RASSF2: variants seen among roughly 807,000 people sequenced by gnomAD.
RASSF2 encodes ras association domain-containing protein 2.
A neutral mutation model predicts 46.3 loss-of-function variants in RASSF2; 34 were observed. That is an observed-to-expected ratio of 0.73 (90% confidence interval 0.56 to 0.98). The LOEUF (loss-of-function observed/expected upper bound fraction) is 0.98. RASSF2 is among the 50% of genes least tolerant of loss of function. The pLI is 0.00. For missense variants in RASSF2, 364 were observed against 431.2 expected (o/e 0.84, Z 1.38); for synonymous variants, 158 against 162.5 (o/e 0.97, Z 0.21).
chr20:4,797,031 C>G (rs546118815), intron 4 of RASSF2, among the ~76,000 whole-genome samples: 9 of 152,170 alleles, frequency 5.9e-5, no homozygotes, highest in African/African-American at 2.2e-4. Context: ...AAATCATCCT[C>G]AAAGAGGGAG....
chr20:4,799,155 T>C (rs1323874186), intron 3 of RASSF2, among the ~76,000 whole-genome samples: 2 of 152,112 alleles, frequency 1.3e-5, no homozygotes, highest in Non-Finnish European at 2.9e-5. Flanking sequence ...GGCAATACTT[T>C]TTCAGTTCTA....
intron 2 of RASSF2, among the ~76,000 whole-genome samples, chr20:4,803,519 C>A (rs533561063): frequency 6.6e-6 from 1 of 152,024 alleles, no homozygotes; most frequent in Non-Finnish European, 1.5e-5. Context: ...TTCATGAAGC[C>A]GAGGCAGGAG....
At chr20:4,809,797 C>G (rs2423023) in intron 2 of RASSF2, among the ~76,000 whole-genome samples, 58,186 of 151,926 alleles carry the variant, frequency 0.38, 11,158 homozygotes, top group Admixed American at 0.44. Context: ...GAATGAGGTG[C>G]GTTCAGCTGG....
chr20:4,818,322 G>A lies in RASSF2; in HGVS notation c.-33+4007C>T, dbSNP rs147626161. Among the ~76,000 whole-genome samples the A allele has an allele frequency of 3.3e-4, 50 of 151,796 alleles. 1 individual carries two copies. In the East Asian group the frequency reaches 7.3e-3, roughly 22 times the overall value. ...ACTAAATGCACCCCAGAAGTGTCTC[G>A]CATGCAGGTGAGGTTCAACCGGTTT... is the stretch of plus-strand genomic sequence containing the variant. On this transcript the variant is annotated intron_variant, in intron 2 of 11. Transcript: ENST00000379400.
At position 4,793,106 on chromosome 20, in the gene RASSF2, G is replaced by C. The variant is rs556144543; in HGVS notation, c.288-479C>G. On this transcript the variant is annotated intron_variant, in intron 5 of 11. Transcript: ENST00000379400. The stretch of plus-strand genomic sequence containing the variant: ...TTCTGGCATTCAAAAGGAATGGAAA[G>C]TAATAAGTTGGCCACAACAAGGGCA... The C allele has an allele frequency of 6.0e-5, 10 of 165,750 alleles. No individual in the cohort carries two copies. In the East Asian group the frequency reaches 1.8e-3, roughly 30 times the overall value. 10.3% of individuals were successfully genotyped at this position (165,750 alleles called of 1,614,324 possible). A position where few individuals can be genotyped will look rare whatever the true frequency, so the allele number is the denominator to read the frequency against.
At chr20:4,820,262 T>C (rs1928603289) in intron 2 of RASSF2, among the ~76,000 whole-genome samples, 3 of 152,168 alleles carry the variant, frequency 2.0e-5, no homozygotes, top group African/African-American at 7.2e-5. Context: ...CCTAGCACTT[T>C]GGGAGGCTGA....
chr20:4,795,228 G>A lies in RASSF2; in HGVS notation c.287+587C>T, dbSNP rs915234649. The stretch of plus-strand genomic sequence containing the variant: ...GGACTAGGTCTTCCCAGCCCTTCTG[G>A]TGGGAACTTAGACTACCACCATCTC... On this transcript the variant is annotated intron_variant, in intron 5 of 11. Transcript: ENST00000379400. This position sits in a 1 kb window ranked among gnomAD's most constrained non-coding sequence, Gnocchi z 4.0. 8 of 152,296 alleles carry A rather than the reference G, an allele frequency of 5.3e-5. No homozygotes were observed. Among genetic ancestry groups the A allele is most frequent in the African/African-American group, 1.9e-4 (8 of 41,454 alleles). The allele number at this position is 152,296 out of a possible 1,614,324, so 9.4% of individuals were successfully genotyped here.
rs1455347694 is a variant in RASSF2, at chr20:4,795,699, T to G, written c.287+116A>C. On this transcript the variant is annotated intron_variant, in intron 5 of 11. Coordinates refer to ENST00000379400, the MANE Select transcript of RASSF2 (RefSeq NM_014737.3). This position sits in a 1 kb window ranked among gnomAD's most constrained non-coding sequence, Gnocchi z 4.0. ...TAAGGCAGGTGGGCAGTAGAGGTAG[T>G]AGGAGGAGGAGCCAGGGTCAGGGCT... 3.9e-6 allele frequency: 5 copies of G among 1,284,532 alleles called. No individual in the cohort carries two copies. The highest frequency in any genetic ancestry group is 1.5e-5 in the African/African-American group (1 of 65,042). The allele number at this position is 1,284,532 out of a possible 1,614,324, so 79.6% of individuals were successfully genotyped here. A position where few individuals can be genotyped will look rare whatever the true frequency, so the allele number is the denominator to read the frequency against.
At chr20:4,806,979 C>G (rs1391718245) in intron 2 of RASSF2, among the ~76,000 whole-genome samples, 3 of 152,146 alleles carry the variant, frequency 2.0e-5, no homozygotes, top group Non-Finnish European at 4.4e-5. Context: ...AATACCATGT[C>G]TTCTTAAATC....
rs901304607 is a variant in RASSF2 at position 4,787,660 on chromosome 20, C to T, written c.786G>A (p.Lys262=). 6.2e-7 allele frequency: 1 copy of T among 1,614,154 alleles called. No homozygotes were observed. Among genetic ancestry groups the T allele is most frequent in the South Asian group, 1.1e-5 (1 of 91,092 alleles). ...EQISKVFLME[K]DQVEEVTYDV... ...CGTAGGTGACTTCCTCCACCTGGTC[C>T]TTCTCCATTAGGAACACTTTGGAGA... Residue 262 remains lysine, a synonymous_variant, in exon 10 of 12, where the codon AAG becomes AAA. Coordinates refer to ENST00000379400, the MANE Select transcript of RASSF2 (RefSeq NM_014737.3).
intron 2 of RASSF2, among the ~76,000 whole-genome samples, chr20:4,804,193 A>G (rs1927143824): frequency 6.6e-6 from 1 of 152,114 alleles, no homozygotes; most frequent in Non-Finnish European, 1.5e-5. Context: ...AGTGTCCCCA[A>G]AAGTGGGACC....
intron 3 of RASSF2, among the ~76,000 whole-genome samples, 181 bp from the exon 4 acceptor site, chr20:4,798,266 A>G (rs1926532589): frequency 6.6e-6 from 1 of 151,986 alleles, no homozygotes; most frequent in Non-Finnish European, 1.5e-5. Flanking sequence ...CCCCATAACC[A>G]TCTTCCCCCA....
intron 4 of RASSF2, 74 bp downstream of exon 4, chr20:4,797,936 G>A (rs960109680): frequency 5.0e-6 from 8 of 1,588,924 alleles, no homozygotes; most frequent in Non-Finnish European, 6.9e-6. Context: ...GGGACCTCAG[G>A]GACCTTCAGA....
chr20:4,786,903 T>C (rs1925399681), intron 10 of RASSF2, among the ~76,000 whole-genome samples: 1 of 151,930 alleles, frequency 6.6e-6, no homozygotes, highest in African/African-American at 2.4e-5. Flanking sequence ...GCCAACATGG[T>C]GAAACCCCGT....
In RASSF2 at chr20:4,790,910, A is replaced by G. The variant is rs143172755; in HGVS notation, c.377-299T>C. Among the ~76,000 whole-genome samples the G allele has an allele frequency of 5.5e-3, 843 of 152,284 alleles. 9 individuals carry two copies. The highest frequency in any genetic ancestry group is 0.019 in the African/African-American group (776 of 41,540). ...TTTTATATATAAAATAGGGATAATAATAACACCCACCTCAGAGGGTTGCTG... is the reference window on the plus strand; with the variant it reads ...TTTTATATATAAAATAGGGATAATAGTAACACCCACCTCAGAGGGTTGCTG... On this transcript the variant is annotated intron_variant, in intron 6 of 11. Transcript: ENST00000379400. The surrounding 1 kb of genome is among the most constrained non-coding windows in gnomAD (Gnocchi z 4.3).
intron 2 of RASSF2, among the ~76,000 whole-genome samples, chr20:4,803,679 C>T (rs1163542560): frequency 6.6e-6 from 1 of 152,024 alleles, no homozygotes; most frequent in East Asian, 1.9e-4. Flanking sequence ...ATTGCTTGAG[C>T]CCAGGAGCTC....
chr20:4,790,333 C>CA lies in RASSF2; in HGVS notation c.537+117dup. 2.5e-6 allele frequency: 3 copies of CA among 1,197,612 alleles called. No homozygotes were observed. Among genetic ancestry groups the CA allele is most frequent in the Non-Finnish European group, 3.3e-6 (3 of 911,248 alleles). The allele number at this position is 1,197,612 out of a possible 1,614,324, so 74.2% of individuals were successfully genotyped here. Reference sequence around the variant, plus strand: ...GCCCACCCACAACCCAAAGACTAAACAGCAGCAAACACTTGGCTTCCCAGG... The same window carrying CA: ...GCCCACCCACAACCCAAAGACTAAACAAGCAGCAAACACTTGGCTTCCCAGG... On this transcript the variant is annotated intron_variant, in intron 7 of 11. Coordinates refer to ENST00000379400, the MANE Select transcript of RASSF2 (RefSeq NM_014737.3). This position sits in a 1 kb window ranked among gnomAD's most constrained non-coding sequence, Gnocchi z 4.3.
chr20:4,802,095 C>G (rs185954554), intron 2 of RASSF2, among the ~76,000 whole-genome samples: 70 of 151,760 alleles, frequency 4.6e-4, no homozygotes, highest in African/African-American at 1.6e-3. Flanking sequence ...TGGAGAGAAG[C>G]GATGTCACTT....
chr20:4,801,851 G>A lies in RASSF2; in HGVS notation c.-32-789C>T, dbSNP rs1167682131. 3.3e-5 allele frequency among the ~76,000 whole-genome samples: 5 copies of A among 152,100 alleles called. No individual in the cohort carries two copies. In the East Asian group the frequency reaches 9.7e-4, roughly 30 times the overall value. ...TCTCCCAGGTTCAGGTGATTCTCTT[G>A]CCTCAGCTTCCCAAGTAGCTGGAAC... On this transcript the variant is annotated intron_variant, in intron 2 of 11. Coordinates refer to ENST00000379400, the MANE Select transcript of RASSF2 (RefSeq NM_014737.3).
Sources: gnomAD v4.1 joint callset for allele counts (sites outside exome capture counted in the v4.1 genomes callset) on GRCh38, gnomAD v4.1.1 for gene constraint, Gnocchi (gnomAD v3.1) non-coding constraint, MANE v1.5 for transcripts, NCBI Gene and HGNC (gene_info 2026-07-23, HGNC 2026-07-21) for gene names.